Variants in CHAF1A observed in about 807,000 individuals in gnomAD.
CHAF1A encodes CAF-1 subunit A.
In CHAF1A, 5 loss-of-function variants were observed where a neutral mutation model predicts 93.2. That is an observed-to-expected ratio of 0.05 (90% CI 0.03 to 0.11). The LOEUF (loss-of-function observed/expected upper bound fraction) is 0.11, where lower values mean the gene tolerates loss of function less well. Among genes scored for constraint, CHAF1A ranks in the 10% least tolerant of loss-of-function variants. CHAF1A has a pLI of 1.00. For synonymous variants in CHAF1A, 504 were observed against 510.3 expected, an observed-to-expected ratio of 0.99 and a Z score of 0.17; for missense variants, 1,102 against 1,259.9, an observed-to-expected ratio of 0.87 and a Z score of 1.90.
chr19:4,406,200 G>C (rs1332426186), intron 2 of CHAF1A, among the ~76,000 whole-genome samples: 1 of 152,032 alleles, frequency 6.6e-6, no homozygotes, highest in Non-Finnish European at 1.5e-5. Flanking sequence ...GAGCTCTCCT[G>C]TATGTTGTAG....
At chr19:4,434,121 A>T (rs1599660238) in intron 13 of CHAF1A, among the ~76,000 whole-genome samples, 1 of 151,776 alleles carries the variant, frequency 6.6e-6, no homozygotes, top group Admixed American at 6.6e-5. Flanking sequence ...CTGAGGCGGG[A>T]GGATCACTTG....
downstream of CHAF1A, chr19:4,448,344 C>A: frequency 6.2e-7 from 1 of 1,609,746 alleles, no homozygotes. Context: ...CACCCAGCTT[C>A]ACCCGGTCCT....
rs904873873 is a variant in CHAF1A at position 4,418,183 on chromosome 19, A to C, written c.1017+107A>C. On this transcript the variant is annotated intron_variant, in intron 4 of 14. Coordinates refer to ENST00000301280, the MANE Select transcript of CHAF1A (RefSeq NM_005483.3). ...TTGGTCTAGTTTTTACATTTTCCCC[A>C]GCCTTCTCTGACCATCATTTTGATT... 4.1e-5 allele frequency: 28 copies of C among 684,570 alleles called. No homozygotes were observed. The East Asian group carries it at 7.8e-4, about 19-fold the overall frequency. The allele number at this position is 684,570 out of a possible 1,614,324, so 42.4% of individuals were successfully genotyped here.
intron 3 of CHAF1A, among the ~76,000 whole-genome samples, chr19:4,412,164 G>A (rs182615313): frequency 5.0e-4 from 76 of 152,302 alleles, no homozygotes; most frequent in African/African-American, 1.4e-3. Flanking sequence ...TGGGCATCCT[G>A]TAGTGTACAT....
rs775398384 is a variant in CHAF1A, at chr19:4,428,648, CTCT to C, written c.1378-11_1378-9del. The stretch of plus-strand genomic sequence containing the variant: ...CCATTGCTCGAAGACCCCATCGGGT[CTCT>C]TCTTGATTTCAGACCCTGGCCGGCT... On this transcript the variant is annotated splice_polypyrimidine_tract_variant and intron_variant, in intron 7 of 14. Transcript: ENST00000301280. 2 of 1,606,858 alleles carry C rather than the reference CTCT, an allele frequency of 1.2e-6. No homozygotes were observed. Among genetic ancestry groups the C allele is most frequent in the Non-Finnish European group, 1.7e-6 (2 of 1,173,678 alleles).
At chr19:4,419,707 A>G (rs879803288) in intron 4 of CHAF1A, among the ~76,000 whole-genome samples, 2 of 152,218 alleles carry the variant, frequency 1.3e-5, no homozygotes, top group Non-Finnish European at 2.9e-5. Flanking sequence ...CTGGGACTAC[A>G]GGTGTGAGCC....
chr19:4,440,747 G>A (rs917741207), intron 13 of CHAF1A, among the ~76,000 whole-genome samples: 1 of 151,686 alleles, frequency 6.6e-6, no homozygotes, highest in Non-Finnish European at 1.5e-5. Context: ...CTGAGCTGTG[G>A]ACCTGTGCAG....
chr19:4,442,178 G>C (rs919471467), intron 13 of CHAF1A, 67 bp from the exon 14 acceptor site: 7 of 1,340,490 alleles, frequency 5.2e-6, no homozygotes, highest in Non-Finnish European at 7.5e-6. Flanking sequence ...AGTTCCCCCC[G>C]CTACCGCACT....
intron 7 of CHAF1A, among the ~76,000 whole-genome samples, chr19:4,427,679 C>T (rs1285517208): frequency 3.3e-5 from 5 of 152,190 alleles, no homozygotes; most frequent in African/African-American, 1.2e-4. Flanking sequence ...CCTCTGCCTC[C>T]CAGGTTCAAG....
chr19:4,408,461 C>CTTTTTT (rs778100682), intron 2 of CHAF1A, among the ~76,000 whole-genome samples: 1,286 of 35,998 alleles, frequency 0.036, 361 homozygotes, highest in African/African-American at 0.038. Flanking sequence ...CGCACCCGGC[C>CTTTTTT]TTTTTTTTTT....
intron 4 of CHAF1A, among the ~76,000 whole-genome samples, chr19:4,420,359 C>T (rs768635637): frequency 6.6e-6 from 1 of 152,212 alleles, no homozygotes; most frequent in Non-Finnish European, 1.5e-5. Flanking sequence ...TCTCCTGCCT[C>T]GGTCTCCCAA....
intron 13 of CHAF1A, among the ~76,000 whole-genome samples, chr19:4,435,441 C>T (rs1974266933): frequency 6.6e-6 from 1 of 151,840 alleles, no homozygotes; most frequent in African/African-American, 2.4e-5. Context: ...GGCGTGATCA[C>T]CACTCACTGC....
At chr19:4,426,088 T>C (rs1015347813) in intron 7 of CHAF1A, among the ~76,000 whole-genome samples, 1 of 152,084 alleles carries the variant, frequency 6.6e-6, no homozygotes, top group Non-Finnish European at 1.5e-5. Flanking sequence ...TTGCCTGATC[T>C]GTAAGTTTTT....
At chr19:4,409,881 G>C (rs1439344879) in intron 3 of CHAF1A, 122 bp downstream of exon 3, 1 of 1,131,210 alleles carries the variant, frequency 8.8e-7, no homozygotes, top group Non-Finnish European at 1.2e-6. Context: ...CTGGGTCCTG[G>C]GACTCGACGT....
At position 4,440,644 on chromosome 19, in the gene CHAF1A, A is replaced by G. The variant is rs530214449; in HGVS notation, c.2674-1601A>G. Among the ~76,000 whole-genome samples, 37 of 151,860 alleles carry G rather than the reference A, an allele frequency of 2.4e-4. No homozygotes were observed. In the East Asian group the frequency reaches 5.4e-3, roughly 22 times the overall value. ...GTGTTCTGAGAGGTGTCCTCAGGCA[A>G]TTTCATGGTTGGGTGGGGCTAGGTT... On this transcript the variant is annotated intron_variant, in intron 13 of 14. Coordinates refer to ENST00000301280, the MANE Select transcript of CHAF1A (RefSeq NM_005483.3).
chr19:4,437,778 C>A (rs1470190437), intron 13 of CHAF1A, among the ~76,000 whole-genome samples: 1 of 150,754 alleles, frequency 6.6e-6, no homozygotes, highest in African/African-American at 2.4e-5. Flanking sequence ...CTCGCTCTGT[C>A]GCCCAGGCTG....
intron 2 of CHAF1A, among the ~76,000 whole-genome samples, chr19:4,407,225 A>G (rs1157995781): frequency 6.8e-6 from 1 of 147,320 alleles, no homozygotes; most frequent in Non-Finnish European, 1.5e-5. Flanking sequence ...CTCAAAACAA[A>G]CAACTCCCCC....
downstream of CHAF1A, chr19:4,446,079 GTCC>G (rs754011124): frequency 6.2e-7 from 1 of 1,612,652 alleles, no homozygotes; most frequent in Non-Finnish European, 8.5e-7. Flanking sequence ...CCAGGTTCTC[GTCC>G]TCGGACAGCT....
rs66491258 is a variant in CHAF1A at position 4,411,644 on chromosome 19, C to CTT, written c.960+1905_960+1906dup. ...GAAATGTTGTAAAAATGGTGCAAAT[C>CTT]TTTTTTTTTTTTTTTTTTTTTGAGA... On this transcript the variant is annotated intron_variant, in intron 3 of 14. Coordinates refer to ENST00000301280, the MANE Select transcript of CHAF1A (RefSeq NM_005483.3). 4.8e-3 allele frequency among the ~76,000 whole-genome samples: 230 copies of CTT among 48,180 alleles called. 55 individuals are homozygous for CTT. The highest frequency in any genetic ancestry group is 6.0e-3 in the Non-Finnish European group (148 of 24,606). 31.6% of individuals were successfully genotyped at this position (48,180 alleles called of 152,430 possible).
Sources: allele counts gnomAD v4.1 joint callset (sites outside exome capture counted in the v4.1 genomes callset), GRCh38; gene constraint gnomAD v4.1.1; transcripts MANE v1.5; gene names NCBI Gene and HGNC (gene_info 2026-07-23, HGNC 2026-07-21).